The following ATIC variants were observed in gnomAD, a reference collection of about 807,000 sequenced individuals.
The protein encoded by ATIC is bifunctional purine biosynthesis protein ATIC.
Under a neutral mutation model 72.5 loss-of-function variants are expected in ATIC, and 64 were observed. That is an observed-to-expected ratio of 0.88 (90% confidence interval 0.72 to 1.09). The LOEUF (loss-of-function observed/expected upper bound fraction) is 1.09, where lower values mean the gene tolerates loss of function less well. ATIC is among the 50% of genes least tolerant of loss of function. The pLI, the probability that ATIC is intolerant of heterozygous loss-of-function variation, is 0.00. For missense variants in ATIC, 787 were observed against 732.4 expected, an observed-to-expected ratio of 1.07 and a Z score of -0.86; for synonymous variants, 281 against 267.1, an observed-to-expected ratio of 1.05 and a Z score of -0.51.
intron 11 of ATIC, among the ~76,000 whole-genome samples, chr2:215,338,006 G>C (rs2106027985): frequency 1.3e-5 from 2 of 152,232 alleles, no homozygotes; most frequent in Admixed American, 1.3e-4. Context: ...ATAATACAAA[G>C]GAACATTTTA....
intron 13 of ATIC, 75 bp from the exon 14 acceptor site, chr2:215,346,683 GA>G: frequency 6.6e-7 from 1 of 1,509,258 alleles, no homozygotes; most frequent in Middle Eastern, 2.2e-4. Flanking sequence ...AGGTTTTGGA[GA>G]ATGTGCACAA....
intron 7 of ATIC, among the ~76,000 whole-genome samples, chr2:215,331,859 G>T (rs2052898505): frequency 6.6e-6 from 1 of 152,210 alleles, no homozygotes; most frequent in Non-Finnish European, 1.5e-5. Context: ...GGCAGAGTCT[G>T]TTGAGTTTGC....
chr2:215,313,413 G>A (rs893586918), intron 2 of ATIC, among the ~76,000 whole-genome samples: 1 of 152,128 alleles, frequency 6.6e-6, no homozygotes, highest in Admixed American at 6.6e-5. Flanking sequence ...TGGAAAGAAG[G>A]GACTTAGAAA....
At chr2:215,336,206 C>T (rs552167391) in intron 11 of ATIC, 82 bp downstream of exon 11, 19 of 1,042,502 alleles carry the variant, frequency 1.8e-5, no homozygotes, top group Non-Finnish European at 2.4e-5. Flanking sequence ...TTCCTTTATA[C>T]TCATACCCTT....
At position 215,317,910 on chromosome 2, in the gene ATIC, G is replaced by T. The variant is rs111515809; in HGVS notation, c.147-247G>T. Among the ~76,000 whole-genome samples, 134 of 152,270 alleles carry T rather than the reference G, an allele frequency of 8.8e-4. 1 individual carries two copies. The highest frequency in any genetic ancestry group is 3.1e-3 in the African/African-American group (129 of 41,554). ...ATGCTCTGAAAATTATAAAACCAGT[G>T]CTGTAGTAGTTACCAATTATCCCTG... On this transcript the variant is annotated intron_variant, in intron 2 of 15. Coordinates refer to ENST00000236959, the MANE Select transcript of ATIC (RefSeq NM_004044.7).
the ATIC span, among the ~76,000 whole-genome samples, chr2:215,357,177 T>C: frequency 6.6e-6 from 1 of 152,142 alleles, no homozygotes; most frequent in Non-Finnish European, 1.5e-5. Flanking sequence ...CATTGTAAAG[T>C]CTTGTCCAGC....
chr2:215,332,174 GTT>G (rs1281214125), intron 7 of ATIC, among the ~76,000 whole-genome samples: 2 of 142,056 alleles, frequency 1.4e-5, no homozygotes, highest in Admixed American at 1.4e-4. Context: ...GTGTGTGTGT[GTT>G]CATGTACATG....
intron 7 of ATIC, among the ~76,000 whole-genome samples, chr2:215,331,790 A>G (rs1455816306): frequency 6.6e-6 from 1 of 152,154 alleles, no homozygotes; most frequent in East Asian, 1.9e-4. Flanking sequence ...CAGTGTTGAG[A>G]AACTAGGTAA....
chr2:215,316,953 G>C (rs1222552224), intron 2 of ATIC, among the ~76,000 whole-genome samples: 1 of 152,044 alleles, frequency 6.6e-6, no homozygotes, highest in South Asian at 2.1e-4. Context: ...GTAGAGGCGG[G>C]GTTTCACCAT....
Position 215,326,060 on chromosome 2 carries a change from T to G in ATIC, c.453T>G (p.Tyr151Ter). The change falls in exon 6 of 16, where the codon TAT (tyrosine) becomes TAG (stop). Residue 151 changes from tyrosine to a stop codon, truncating the protein, a stop_gained. Transcript: ENST00000236959. LOFTEE classifies it high-confidence loss of function. ...CAGTGGTGTGTGAACCAGAGGACTA[T>G]GTGGTGGTGTCCACGGAGATGCAGA... ...RVTVVCEPED[Y>*]VVVSTEMQSS... 1 of 1,614,152 alleles carries G rather than the reference T, an allele frequency of 6.2e-7. No individual in the cohort carries two copies. The highest frequency in any genetic ancestry group is 8.5e-7 in the Non-Finnish European group (1 of 1,180,016).
Position 215,318,288 on chromosome 2 carries a change from T to C in ATIC, c.223+55T>C, listed in dbSNP as rs577250930. On this transcript the variant is annotated intron_variant, in intron 3 of 15. Coordinates refer to ENST00000236959, the MANE Select transcript of ATIC (RefSeq NM_004044.7). Reference sequence around the variant, plus strand: ...CAGTCAGTGGTTTCCAGGAATATTTTAGTTGATAGCGTCCTAAAATAAAGG... The same window carrying C: ...CAGTCAGTGGTTTCCAGGAATATTTCAGTTGATAGCGTCCTAAAATAAAGG... 6.0e-6 allele frequency: 9 copies of C among 1,489,092 alleles called. No homozygotes were observed. The Admixed American group carries it at 1.2e-4, about 19-fold the overall frequency. 92.2% of individuals were successfully genotyped at this position (1,489,092 alleles called of 1,614,324 possible).
chr2:215,362,074 C>G, the ATIC span: 1 of 1,613,462 alleles, frequency 6.2e-7, no homozygotes, highest in South Asian at 1.1e-5. Context: ...TGTCACAGCG[C>G]CAGCCCTGAG....
chr2:215,346,691 A>G (rs976307574), intron 13 of ATIC, 68 bp from the exon 14 acceptor site: 1 of 1,551,038 alleles, frequency 6.4e-7, no homozygotes, highest in Admixed American at 1.7e-5. Flanking sequence ...GAGAATGTGC[A>G]CAAAAGATCC....
chr2:215,332,203 A>G (rs1197270522), intron 7 of ATIC, among the ~76,000 whole-genome samples, 179 bp from the exon 8 acceptor site: 1 of 150,230 alleles, frequency 6.7e-6, no homozygotes, highest in Non-Finnish European at 1.5e-5. Context: ...TTTTTTAAAG[A>G]TGGGCTCAGG....
intron 10 of ATIC, among the ~76,000 whole-genome samples, chr2:215,335,488 A>C (rs1050447412): frequency 3.9e-5 from 6 of 152,192 alleles, no homozygotes; most frequent in Admixed American, 1.3e-4. Context: ...AAAGGGGAAA[A>C]AAATAAGCAG....
At chr2:215,364,960 C>G in the ATIC span, 1 of 1,580,350 alleles carries the variant, frequency 6.3e-7, no homozygotes, top group Non-Finnish European at 8.6e-7. Context: ...GGTATGTCTT[C>G]CCATCATCAT....
At chr2:215,316,689 A>T (rs2052713311) in intron 2 of ATIC, among the ~76,000 whole-genome samples, 1 of 152,254 alleles carries the variant, frequency 6.6e-6, no homozygotes, top group Non-Finnish European at 1.5e-5. Flanking sequence ...AAGCATTTTT[A>T]TAAGCATGTA....
At chr2:215,346,616 A>G in intron 13 of ATIC, 143 bp from the exon 14 acceptor site, 1 of 940,760 alleles carries the variant, frequency 1.1e-6, no homozygotes, top group Non-Finnish European at 1.7e-6. Context: ...ATGACTTAAA[A>G]ATTATTTATA....
chr2:215,335,697 A>G (rs1168746821), intron 10 of ATIC, among the ~76,000 whole-genome samples: 1 of 152,228 alleles, frequency 6.6e-6, no homozygotes, highest in Non-Finnish European at 1.5e-5. Flanking sequence ...ACCATGTACT[A>G]GGAGAGTCAG....
Sources: allele counts gnomAD v4.1 joint callset (sites outside exome capture counted in the v4.1 genomes callset), GRCh38; gene constraint gnomAD v4.1.1; transcripts MANE v1.5; gene names NCBI Gene and HGNC (gene_info 2026-07-23, HGNC 2026-07-21).